BEND4: variants seen among roughly 807,000 people sequenced by gnomAD.
BEND4 encodes the protein BEN domain containing 4, also known as BEN domain-containing protein 4.
BEND4 carries 27 observed loss-of-function variants against 54.7 expected under a neutral mutation model. The observed-to-expected ratio is 0.49, with a 90% CI of 0.36 to 0.68. BEND4 has a LOEUF of 0.68. Among genes scored for constraint, BEND4 ranks in the 30% least tolerant of loss-of-function variants. The probability of loss-of-function intolerance (pLI) is 0.00; values close to 1 mark genes in which losing one functional copy is unlikely to be tolerated. For synonymous variants in BEND4, 327 were observed against 299.5 expected, an observed-to-expected ratio of 1.09 and a Z score of -0.95; for missense variants, 702 against 697.2, an observed-to-expected ratio of 1.01 and a Z score of -0.08.
chr4:42,136,106 C>T (rs986447201), intron 3 of BEND4, among the ~76,000 whole-genome samples: 1 of 152,184 alleles, frequency 6.6e-6, no homozygotes, highest in Non-Finnish European at 1.5e-5. Flanking sequence ...TTTTCATCCA[C>T]CTCAGAGCCC....
At chr4:42,150,944 G>A (rs1238438775) in intron 2 of BEND4, 1 of 152,212 alleles carries the variant, frequency 6.6e-6, no homozygotes, top group African/African-American at 2.4e-5. Flanking sequence ...CAGAGTGCCT[G>A]CGACTCCCGG....
At chr4:42,137,206 A>G (rs757831665) in intron 3 of BEND4, among the ~76,000 whole-genome samples, 4 of 152,178 alleles carry the variant, frequency 2.6e-5, no homozygotes, top group Non-Finnish European at 1.5e-5. Flanking sequence ...TGGAGTTATG[A>G]GGATAAAATG....
intron 3 of BEND4, among the ~76,000 whole-genome samples, chr4:42,137,345 C>T (rs1184132140): frequency 6.6e-6 from 1 of 152,152 alleles, no homozygotes; most frequent in Non-Finnish European, 1.5e-5. Flanking sequence ...CCTTGCCTTA[C>T]AGCATACACA....
At chr4:42,124,850 G>A (rs1720212307) in intron 4 of BEND4, among the ~76,000 whole-genome samples, 2 of 149,770 alleles carry the variant, frequency 1.3e-5, no homozygotes, top group Admixed American at 1.3e-4. Flanking sequence ...AGTGTAGAAT[G>A]AAGGTGCTGA....
chr4:42,149,236 GCA>G (rs1163746355), intron 2 of BEND4, among the ~76,000 whole-genome samples: 1 of 132,280 alleles, frequency 7.6e-6, no homozygotes, highest in Non-Finnish European at 1.5e-5. Context: ...ACGGGTCTGT[GCA>G]CACATGCTTA....
chr4:42,148,330 A>G (rs1216463346), intron 2 of BEND4, among the ~76,000 whole-genome samples: 2 of 152,216 alleles, frequency 1.3e-5, no homozygotes, highest in Non-Finnish European at 2.9e-5. Flanking sequence ...AAATAAATAA[A>G]TCAATGATGT....
At chr4:42,145,614 C>T (rs187328406) in intron 2 of BEND4, among the ~76,000 whole-genome samples, 64 of 151,726 alleles carry the variant, frequency 4.2e-4, no homozygotes, top group South Asian at 2.1e-3. Flanking sequence ...ATCGCTTGAA[C>T]CCAGAAGACA....
chr4:42,138,246 G>A (rs1229789948), intron 3 of BEND4, among the ~76,000 whole-genome samples: 3 of 152,130 alleles, frequency 2.0e-5, no homozygotes, highest in African/African-American at 4.8e-5. Context: ...GTATTATCCT[G>A]ACCTAAAAAA....
chr4:42,123,402 T>TG (rs1163936755), intron 4 of BEND4, among the ~76,000 whole-genome samples: 2 of 151,440 alleles, frequency 1.3e-5, no homozygotes, highest in Non-Finnish European at 2.9e-5. Context: ...GTTGAGTCAC[T>TG]GAAAAAAAAA....
rs1184762827 is a variant in BEND4 at position 42,117,063 on chromosome 4, A to G, written c.*455T>C. 1.3e-5 allele frequency: 2 copies of G among 154,142 alleles called. No individual in the cohort carries two copies. Among genetic ancestry groups the G allele is most frequent in the Non-Finnish European group, 2.9e-5 (2 of 69,532 alleles). The allele number at this position is 154,142 out of a possible 1,614,324, so 9.5% of individuals were successfully genotyped here. Reference sequence around the variant, plus strand: ...TGTCTTTGCCGAGAAATATGAAGTCAAGTCTTTGGAAAACATAAAGACAAC... The same window carrying G: ...TGTCTTTGCCGAGAAATATGAAGTCGAGTCTTTGGAAAACATAAAGACAAC... On this transcript the variant is annotated 3_prime_UTR_variant, in exon 6 of 6. Coordinates refer to ENST00000502486, the MANE Select transcript of BEND4 (RefSeq NM_207406.4).
At chr4:42,134,915 C>A (rs1720643939) in intron 3 of BEND4, among the ~76,000 whole-genome samples, 1 of 152,118 alleles carries the variant, frequency 6.6e-6, no homozygotes, top group South Asian at 2.1e-4. Context: ...GTCTGGTGGG[C>A]ACTGAGGGCT....
At chr4:42,119,700 C>A (rs1444449562) in intron 5 of BEND4, among the ~76,000 whole-genome samples, 1 of 152,148 alleles carries the variant, frequency 6.6e-6, no homozygotes, top group African/African-American at 2.4e-5. Flanking sequence ...AATGAGGTAA[C>A]ATTGTACCCA....
At position 42,143,848 on chromosome 4, in the gene BEND4, G is replaced by C. The variant is rs1461497103; in HGVS notation, c.634C>G (p.Gln212Glu). The stretch of plus-strand genomic sequence containing the variant: ...CCTTTCCCAATGTGACAGTGCTCCT[G>C]TCTTTCGTTGTAACTTGAGCCTTCC... ...KQEGSSYNER[Q>E]EHCHIGKGVH... Residue 212 changes from glutamine to glutamate, a missense_variant, in exon 3 of 6, where the codon CAG becomes GAG. Transcript: ENST00000502486. The C allele has an allele frequency of 2.6e-6, 4 of 1,562,510 alleles. No homozygotes were observed. The African/African-American group carries it at 5.5e-5, about 21-fold the overall frequency.
At chr4:42,128,949 AAAAG>A (rs1319107902) in intron 3 of BEND4, among the ~76,000 whole-genome samples, 1 of 152,208 alleles carries the variant, frequency 6.6e-6, no homozygotes. Context: ...AAAAAAAAGA[AAAAG>A]AAAGCTTATT....
chr4:42,151,530 G>C, intron 2 of BEND4, 127 bp downstream of exon 2: 1 of 1,016,568 alleles, frequency 9.8e-7, no homozygotes, highest in Non-Finnish European at 1.3e-6. Flanking sequence ...GAGGCCCCAG[G>C]TGCGCCCCGA....
chr4:42,147,605 A>G lies in BEND4; in HGVS notation c.488-3611T>C, dbSNP rs115316759. ...TAACTTCCCTAAAATTAAACACCAT[A>G]AAATGTTAATAAATCACAATCACAA... On this transcript the variant is annotated intron_variant, in intron 2 of 5. Transcript: ENST00000502486. Among the ~76,000 whole-genome samples the G allele has an allele frequency of 5.0e-3, 754 of 152,030 alleles. 6 individuals are homozygous for G. Among genetic ancestry groups the G allele is most frequent in the African/African-American group, 0.017 (723 of 41,474 alleles).
At chr4:42,119,813 G>A (rs1374874853) in intron 5 of BEND4, 8 of 457,142 alleles carry the variant, frequency 1.7e-5, no homozygotes, top group Non-Finnish European at 3.2e-5. Flanking sequence ...TGAATTTGAA[G>A]CGTGAAACAT....
intron 4 of BEND4, among the ~76,000 whole-genome samples, chr4:42,121,644 G>A (rs1026151737): frequency 6.6e-6 from 1 of 152,168 alleles, no homozygotes; most frequent in African/African-American, 2.4e-5. Flanking sequence ...TGGACCCTGT[G>A]TATAAGAGAC....
chr4:42,144,558 G>C (rs996977436), intron 2 of BEND4, among the ~76,000 whole-genome samples: 3 of 152,236 alleles, frequency 2.0e-5, no homozygotes, highest in Admixed American at 2.0e-4. Context: ...TATGGGCACA[G>C]GATGAGCACA....
Sources: gnomAD v4.1 joint callset for allele counts (sites outside exome capture counted in the v4.1 genomes callset) on GRCh38, gnomAD v4.1.1 for gene constraint, MANE v1.5 for transcripts, NCBI Gene and HGNC (gene_info 2026-07-23, HGNC 2026-07-21) for gene names.